Variants in KIF2C observed in about 807,000 individuals in gnomAD.
KIF2C encodes the protein kinesin family member 2C, also known as kinesin-like protein KIF2C.
Under a neutral mutation model 97.4 loss-of-function variants are expected in KIF2C, and 34 were observed. The ratio of observed to expected loss-of-function variants is 0.35; its 90% CI spans 0.27 to 0.46. The LOEUF is 0.46. Among genes scored for constraint, KIF2C ranks in the 20% least tolerant of loss-of-function variants. KIF2C has a pLI of 1.00. For synonymous variants in KIF2C, 313 were observed against 318.2 expected, an observed-to-expected ratio of 0.98 and a Z score of 0.17; for missense variants, 750 against 907.6, an observed-to-expected ratio of 0.83 and a Z score of 2.23.
intron 2 of KIF2C, 50 bp downstream of exon 2, chr1:44,741,057 A>T (rs370557781): frequency 8.3e-5 from 117 of 1,407,948 alleles, no homozygotes; most frequent in Middle Eastern, 1.8e-4. Flanking sequence ...TCCTACATAA[A>T]GGATCTGTGC....
At chr1:44,754,569 T>C (rs1017101133) in intron 7 of KIF2C, among the ~76,000 whole-genome samples, 181 bp from the exon 8 acceptor site, 1 of 152,172 alleles carries the variant, frequency 6.6e-6, no homozygotes, top group African/African-American at 2.4e-5. Context: ...GGCGTATGCT[T>C]AGGCCCCTCT....
chr1:44,742,395 CA>C (rs1170541598), intron 2 of KIF2C, among the ~76,000 whole-genome samples: 1 of 151,674 alleles, frequency 6.6e-6, no homozygotes, highest in African/African-American at 2.4e-5. Context: ...AGGCGTGAGC[CA>C]CCATGCCCGG....
intron 7 of KIF2C, 66 bp from the exon 8 acceptor site, chr1:44,754,684 C>G: frequency 1.1e-6 from 1 of 913,368 alleles, no homozygotes; most frequent in Non-Finnish European, 1.8e-6. Context: ...TTGCTGCTGC[C>G]GCATAGGGGT....
intron 19 of KIF2C, among the ~76,000 whole-genome samples, 158 bp downstream of exon 19, chr1:44,762,816 C>T (rs766834272): frequency 3.3e-5 from 5 of 152,210 alleles, no homozygotes; most frequent in African/African-American, 4.8e-5. Flanking sequence ...GCCTGTTAAC[C>T]CAGCTGTTCT....
chr1:44,759,480 CT>C, intron 14 of KIF2C, 132 bp downstream of exon 14: 1 of 1,074,680 alleles, frequency 9.3e-7, no homozygotes, highest in Non-Finnish European at 1.4e-6. Context: ...AAGGCCTCTG[CT>C]TTACGGGGTC....
chr1:44,761,630 A>C (rs1650152291), intron 16 of KIF2C, among the ~76,000 whole-genome samples: 1 of 151,800 alleles, frequency 6.6e-6, no homozygotes, highest in Non-Finnish European at 1.5e-5. Flanking sequence ...GAAAAAAGAA[A>C]AAGATAGGAC....
At chr1:44,751,153 T>C (rs959751457) in intron 5 of KIF2C, among the ~76,000 whole-genome samples, 1 of 151,900 alleles carries the variant, frequency 6.6e-6, no homozygotes, top group African/African-American at 2.4e-5. Flanking sequence ...TGACTTCTAA[T>C]AGCATTAATT....
At chr1:44,740,419 G>A (rs1429667542) in intron 1 of KIF2C, among the ~76,000 whole-genome samples, 1 of 152,180 alleles carries the variant, frequency 6.6e-6, no homozygotes, top group African/African-American at 2.4e-5. Flanking sequence ...TGCGCTTGAG[G>A]AGCTTGTAGT....
At chr1:44,748,737 A>G (rs953316174) in intron 4 of KIF2C, among the ~76,000 whole-genome samples, 2 of 144,938 alleles carry the variant, frequency 1.4e-5, no homozygotes, top group African/African-American at 5.3e-5. Context: ...TGTAGAGACA[A>G]GGTCTCACTA....
intron 20 of KIF2C, 53 bp from the exon 21 acceptor site, chr1:44,767,044 G>C (rs1650505573): frequency 6.2e-7 from 1 of 1,607,656 alleles, no homozygotes; most frequent in Non-Finnish European, 8.5e-7. Flanking sequence ...TGAGTGAATG[G>C]GGGCTCCTCA....
rs967686871 is a variant in KIF2C, at chr1:44,739,875, GT to G, written c.-56del. On this transcript the variant is annotated 5_prime_UTR_variant, in exon 1 of 21. Coordinates refer to ENST00000372224, the MANE Select transcript of KIF2C (RefSeq NM_006845.4). The stretch of plus-strand genomic sequence containing the variant: ...TTACGCGGCGTTAAGACTTCGTAGG[GT>G]TAGCGAAATTGAGGTTTCTTGGTAT... The G allele has an allele frequency of 4.0e-6, 6 of 1,504,716 alleles. No individual in the cohort carries two copies. In the African/African-American group the frequency reaches 8.3e-5, roughly 21 times the overall value. 93.2% of individuals were successfully genotyped at this position (1,504,716 alleles called of 1,614,324 possible).
chr1:44,753,042 C>G lies in KIF2C; in HGVS notation c.440-90C>G, dbSNP rs531726353. ...TAAGCCTTACCGAGCAGGCAGGTCGCTCTCCCGGCCCATAACCAGGGCCAT... is the reference window on the plus strand; with the variant it reads ...TAAGCCTTACCGAGCAGGCAGGTCGGTCTCCCGGCCCATAACCAGGGCCAT... On this transcript the variant is annotated intron_variant, in intron 5 of 20. Transcript: ENST00000372224. The G allele has an allele frequency of 5.3e-6, 8 of 1,498,638 alleles. No homozygotes were observed. The African/African-American group carries it at 1.1e-4, about 21-fold the overall frequency. 92.8% of individuals were successfully genotyped at this position (1,498,638 alleles called of 1,614,324 possible). A position where few individuals can be genotyped will look rare whatever the true frequency, so the allele number is the denominator to read the frequency against.
At chr1:44,766,702 C>A in intron 19 of KIF2C, 124 bp from the exon 20 acceptor site, 1 of 987,962 alleles carries the variant, frequency 1.0e-6, no homozygotes, top group Non-Finnish European at 1.5e-6. Flanking sequence ...GGTGAACAGC[C>A]AGGGTATGGG....
chr1:44,760,677 T>A lies in KIF2C; in HGVS notation c.1658T>A (p.Ile553Asn). 1 of 1,614,046 alleles carries A rather than the reference T, an allele frequency of 6.2e-7. No homozygotes were observed. The highest frequency in any genetic ancestry group is 1.3e-5 in the African/African-American group (1 of 75,042). ...KLTQVLRDSFIGENSRTCMIA... is the reference protein window; with the variant it reads ...KLTQVLRDSFNGENSRTCMIA... ...ACACAGGTGCTGAGGGACTCCTTCATTGGGGAGAACTCTAGGACTTGCATG... is the reference window on the plus strand; with the variant it reads ...ACACAGGTGCTGAGGGACTCCTTCAATGGGGAGAACTCTAGGACTTGCATG... The change falls in exon 16 of 21, where the codon ATT becomes AAT. Residue 553 changes from isoleucine to asparagine, a missense_variant. Transcript: ENST00000372224. The surrounding 1 kb of genome is among the most constrained non-coding windows in gnomAD (Gnocchi z 4.2).
At chr1:44,755,237 T>A (rs1311360047) in intron 8 of KIF2C, among the ~76,000 whole-genome samples, 2 of 150,120 alleles carry the variant, frequency 1.3e-5, no homozygotes, top group African/African-American at 4.9e-5. Flanking sequence ...GGATTACAGG[T>A]GTAAGCTACT....
rs766564343 is a variant in KIF2C, at chr1:44,760,410, G to A, written c.1498G>A (p.Ala500Thr). ...AGATCTGGCAGGGAATGAGCGAGGC[G>A]CGGACACTTCCAGTGCTGACCGGCA... Reference protein sequence around the residue: ...LVDLAGNERGADTSSADRQTR... With the variant: ...LVDLAGNERGTDTSSADRQTR... Residue 500 changes from alanine to threonine, a missense_variant, in exon 15 of 21, where the codon GCG (alanine) becomes ACG (threonine). By Grantham distance (58) the Ala-to-Thr change is moderately conservative. Coordinates refer to ENST00000372224, the MANE Select transcript of KIF2C (RefSeq NM_006845.4). The surrounding 1 kb of genome is among the most constrained non-coding windows in gnomAD (Gnocchi z 4.2). The A allele has an allele frequency of 1.1e-5, 18 of 1,614,200 alleles. No individual in the cohort carries two copies. Among genetic ancestry groups the A allele is most frequent in the South Asian group, 2.2e-5 (2 of 91,080 alleles).
chr1:44,750,340 G>A, intron 4 of KIF2C, 102 bp from the exon 5 acceptor site: 1 of 1,239,650 alleles, frequency 8.1e-7, no homozygotes, highest in Non-Finnish European at 1.0e-6. Context: ...CCCTTTCCTG[G>A]TAGCTGGGAC....
rs1396615192 is a variant in KIF2C at position 44,759,343 on chromosome 1, C to T, written c.1362C>T (p.Ala454=). The T allele has an allele frequency of 6.2e-7, 1 of 1,613,970 alleles. No homozygotes were observed. Among genetic ancestry groups the T allele is most frequent in the Non-Finnish European group, 8.5e-7 (1 of 1,179,996 alleles). The change falls in exon 14 of 21, where the codon GCC becomes GCT. Residue 454 remains alanine (A), a synonymous_variant. Transcript: ENST00000372224. The stretch of plus-strand genomic sequence containing the variant: ...TCAAGATGATCGACATGGGCAGCGC[C>T]TGCAGGTGAGAGTCCTGGTGAGGGG... ...DVIKMIDMGS[A]CRTSGQTFAN... is the part of the protein sequence containing the mutation.
At chr1:44,743,034 A>G (rs546387106) in intron 2 of KIF2C, among the ~76,000 whole-genome samples, 1 of 152,326 alleles carries the variant, frequency 6.6e-6, no homozygotes, top group South Asian at 2.1e-4. Flanking sequence ...GGGACCATGA[A>G]GAAGCTGGCC....
Sources: allele counts gnomAD v4.1 joint callset (sites outside exome capture counted in the v4.1 genomes callset), GRCh38; gene constraint gnomAD v4.1.1; non-coding constraint Gnocchi (gnomAD v3.1); transcripts MANE v1.5; gene names NCBI Gene and HGNC (gene_info 2026-07-23, HGNC 2026-07-21).